MARCHF1: variants seen among roughly 807,000 people sequenced by gnomAD.
MARCHF1 encodes E3 ubiquitin-protein ligase MARCHF1.
A neutral mutation model predicts 54.2 loss-of-function variants in MARCHF1; 40 were observed. That is an observed-to-expected ratio of 0.74 (90% CI 0.57 to 0.96). The LOEUF is 0.96. Among genes scored for constraint, MARCHF1 ranks in the 40% least tolerant of loss-of-function variants. The probability of loss-of-function intolerance (pLI) is 0.00; values close to 1 mark genes in which losing one functional copy is unlikely to be tolerated. For synonymous variants in MARCHF1, 236 were observed against 236.3 expected, an observed-to-expected ratio of 1.00 and a Z score of 0.01; for missense variants, 586 against 656.5, an observed-to-expected ratio of 0.89 and a Z score of 1.17.
intron 1 of MARCHF1, among the ~76,000 whole-genome samples, chr4:164,200,532 C>T (rs1480738877): frequency 6.6e-6 from 1 of 152,104 alleles, no homozygotes; most frequent in African/African-American, 2.4e-5. Flanking sequence ...TTGTCCTTTA[C>T]CATGGCCTTC....
intron 5 of MARCHF1, among the ~76,000 whole-genome samples, chr4:163,653,844 ATG>A (rs34006238): frequency 0.65 from 98,550 of 151,216 alleles, 32,426 homozygotes; most frequent in African/African-American, 0.75. Flanking sequence ...GATGATGGGT[ATG>A]TGTAGTTGGA....
intron 7 of MARCHF1, among the ~76,000 whole-genome samples, chr4:163,591,905 G>C (rs1172619346): frequency 6.6e-6 from 1 of 152,240 alleles, no homozygotes; most frequent in South Asian, 2.1e-4. Flanking sequence ...CAGTGGAAAG[G>C]AGAAGTAACA....
intron 5 of MARCHF1, among the ~76,000 whole-genome samples, chr4:163,630,786 GAAGA>G (rs914883220): frequency 1.1e-4 from 16 of 151,678 alleles, no homozygotes; most frequent in Non-Finnish European, 2.4e-4. Flanking sequence ...AAAAGGGAAA[GAAGA>G]GAGAAATGAA....
At chr4:163,728,499 TG>T (rs1745733957) in intron 4 of MARCHF1, among the ~76,000 whole-genome samples, 1 of 152,184 alleles carries the variant, frequency 6.6e-6, no homozygotes, top group Non-Finnish European at 1.5e-5. Context: ...TTTTTCACAT[TG>T]ATCTTCCCCC....
At chr4:163,749,305 TTTTTTGTTTTTG>T (rs535784181) in intron 4 of MARCHF1, among the ~76,000 whole-genome samples, 36 of 151,980 alleles carry the variant, frequency 2.4e-4, no homozygotes, top group African/African-American at 7.7e-4. Context: ...TTTTTTTCTG[TTTTTTGTTTTTG>T]TTTTTGTTTT....
chr4:163,766,039 T>G (rs1244371731), intron 4 of MARCHF1, among the ~76,000 whole-genome samples: 1 of 151,350 alleles, frequency 6.6e-6, no homozygotes, highest in Admixed American at 6.6e-5. Flanking sequence ...GTGAGTTTCT[T>G]TCTATGATTA....
intron 2 of MARCHF1, among the ~76,000 whole-genome samples, chr4:164,036,272 T>A (rs1560873213): frequency 6.6e-6 from 1 of 152,158 alleles, no homozygotes; most frequent in Non-Finnish European, 1.5e-5. Flanking sequence ...CCTTTAATTA[T>A]GGTTTCTAAA....
At chr4:163,855,198 G>A (rs1426251352) in intron 3 of MARCHF1, among the ~76,000 whole-genome samples, 2 of 152,028 alleles carry the variant, frequency 1.3e-5, no homozygotes, top group African/African-American at 2.4e-5. Context: ...TCTGAACAAT[G>A]TAAATACGAA....
At chr4:163,624,969 G>A (rs1741819280) in intron 5 of MARCHF1, among the ~76,000 whole-genome samples, 4 of 152,096 alleles carry the variant, frequency 2.6e-5, no homozygotes, top group Admixed American at 2.0e-4. Context: ...AGGCTTCAGT[G>A]GTTTCTCGTT....
intron 2 of MARCHF1, among the ~76,000 whole-genome samples, chr4:164,049,266 CCTCA>C (rs1316939156): frequency 6.6e-6 from 1 of 152,094 alleles, no homozygotes; most frequent in Non-Finnish European, 1.5e-5. Flanking sequence ...AGGATAACTC[CCTCA>C]CTATCATGAG....
At chr4:164,367,760 A>G (rs1730917061) in intron 1 of MARCHF1, among the ~76,000 whole-genome samples, 3 of 152,014 alleles carry the variant, frequency 2.0e-5, no homozygotes, top group Admixed American at 2.0e-4. Context: ...ATTTAAATTG[A>G]AATTTAATTA....
chr4:164,146,161 G>T (rs1308889032), intron 1 of MARCHF1, among the ~76,000 whole-genome samples: 18 of 141,654 alleles, frequency 1.3e-4, no homozygotes, highest in African/African-American at 4.6e-4. Flanking sequence ...CACTGCTCAA[G>T]AAAATAAAAG....
At chr4:163,542,869 A>G (rs1366925704) in intron 9 of MARCHF1, among the ~76,000 whole-genome samples, 1 of 152,200 alleles carries the variant, frequency 6.6e-6, no homozygotes, top group Non-Finnish European at 1.5e-5. Flanking sequence ...AGTTTCCCAG[A>G]GGAAGTGATG....
chr4:163,621,130 T>A (rs527655982), intron 5 of MARCHF1, among the ~76,000 whole-genome samples: 1 of 152,238 alleles, frequency 6.6e-6, no homozygotes, highest in East Asian at 1.9e-4. Flanking sequence ...TTTTGTAGAG[T>A]GTCTAAGAGT....
chr4:163,761,673 C>T (rs923782450), intron 4 of MARCHF1, among the ~76,000 whole-genome samples: 1 of 152,156 alleles, frequency 6.6e-6, no homozygotes, highest in Non-Finnish European at 1.5e-5. Context: ...AAGTGGAACC[C>T]ACAGTGAAGG....
intron 8 of MARCHF1, among the ~76,000 whole-genome samples, chr4:163,564,144 G>A (rs530951984): frequency 2.0e-5 from 3 of 152,064 alleles, no homozygotes; most frequent in Admixed American, 6.6e-5. Flanking sequence ...CTTACTGTTC[G>A]GTACATATTT....
At chr4:163,594,392 A>T (rs1396874198) in intron 7 of MARCHF1, among the ~76,000 whole-genome samples, 1 of 151,450 alleles carries the variant, frequency 6.6e-6, no homozygotes, top group Non-Finnish European at 1.5e-5. Flanking sequence ...CCACATTATT[A>T]TTATATGATA....
chr4:164,127,037 G>C (rs1211962504), intron 1 of MARCHF1, among the ~76,000 whole-genome samples: 1 of 120,982 alleles, frequency 8.3e-6, no homozygotes, highest in African/African-American at 3.0e-5. Flanking sequence ...CTGGGCGACA[G>C]AGTGAAACTC....
intron 4 of MARCHF1, among the ~76,000 whole-genome samples, chr4:163,706,378 A>G (rs1241193361): frequency 6.6e-6 from 1 of 152,068 alleles, no homozygotes; most frequent in African/African-American, 2.4e-5. Context: ...CAGAGAGAAA[A>G]AAAGTGTATT....
Sources: gnomAD v4.1 joint callset for allele counts (sites outside exome capture counted in the v4.1 genomes callset) on GRCh38, gnomAD v4.1.1 for gene constraint, MANE v1.5 for transcripts, NCBI Gene and HGNC (gene_info 2026-07-23, HGNC 2026-07-21) for gene names.